Variants in PPFIBP1 observed in about 807,000 individuals in gnomAD.
The protein encoded by PPFIBP1 is liprin-beta-1.
Under a neutral mutation model 137.8 loss-of-function variants are expected in PPFIBP1, and 112 were observed. The observed-to-expected ratio is 0.81, with a 90% CI of 0.70 to 0.95. The LOEUF is 0.95. PPFIBP1 is among the 40% of genes least tolerant of loss of function. PPFIBP1 has a pLI of 0.00. For synonymous variants in PPFIBP1, 378 were observed against 417.3 expected, an observed-to-expected ratio of 0.91 and a Z score of 1.15; for missense variants, 1,083 against 1,196.6, an observed-to-expected ratio of 0.91 and a Z score of 1.40.
chr12:27,666,295 A>C (rs943072052), intron 12 of PPFIBP1, among the ~76,000 whole-genome samples: 1 of 151,984 alleles, frequency 6.6e-6, no homozygotes, highest in Non-Finnish European at 1.5e-5. Context: ...TCCAATAAAG[A>C]GTTGTATAAA....
intron 2 of PPFIBP1, among the ~76,000 whole-genome samples, chr12:27,629,782 T>G (rs2057132485): frequency 6.6e-6 from 1 of 152,170 alleles, no homozygotes; most frequent in African/African-American, 2.4e-5. Context: ...TCAACACAGA[T>G]GCCTGATAAA....
chr12:27,587,102 A>C (rs1388764191), intron 2 of PPFIBP1, among the ~76,000 whole-genome samples: 1 of 152,178 alleles, frequency 6.6e-6, no homozygotes, highest in Admixed American at 6.5e-5. Context: ...CTTTCAACTG[A>C]ACCAATTTGC....
chr12:27,645,438 A>AT lies in PPFIBP1; in HGVS notation c.271-615dup, dbSNP rs57495507. Among the ~76,000 whole-genome samples the AT allele has an allele frequency of 3.1e-4, 47 of 151,742 alleles. No homozygotes were observed. In the Middle Eastern group the frequency reaches 0.01, roughly 33 times the overall value. On this transcript the variant is annotated intron_variant, in intron 4 of 29. Coordinates refer to ENST00000228425, the MANE Select transcript of PPFIBP1 (RefSeq NM_003622.4). ...CCACGCATAAATATACTGAAACATGATTTTTTTTTAAAAAAGTGTGGGGGG... is the reference window on the plus strand; with the variant it reads ...CCACGCATAAATATACTGAAACATGATTTTTTTTTTAAAAAAGTGTGGGGGG...
rs1330353131 is a variant in PPFIBP1 at position 27,643,852 on chromosome 12, A to G, written c.271-2210A>G. ...TTATGTTCCTATAGTGACTTTTAAT[A>G]TACTAAACTACCCTTGAGCATTATG... On this transcript the variant is annotated intron_variant, in intron 4 of 29. Transcript: ENST00000228425. Among the ~76,000 whole-genome samples, 11 of 126,116 alleles carry G rather than the reference A, an allele frequency of 8.7e-5. No homozygotes were observed. In the East Asian group the frequency reaches 2.4e-3, roughly 27 times the overall value. 82.7% of individuals were successfully genotyped at this position (126,116 alleles called of 152,430 possible).
At chr12:27,674,082 C>A in intron 16 of PPFIBP1, 110 bp from the exon 17 acceptor site, 2 of 941,590 alleles carry the variant, frequency 2.1e-6, no homozygotes, top group Non-Finnish European at 3.2e-6. Context: ...GATTTTGTAG[C>A]TTAGAAGTAG....
At position 27,626,493 on chromosome 12, in the gene PPFIBP1, T is replaced by C. The variant is rs2056827310; in HGVS notation, c.-35-6869T>C. On this transcript the variant is annotated intron_variant, in intron 2 of 29. Transcript: ENST00000228425. ...GCGCCTCAGAGCCAGTGGGAGGGCT[T>C]GGAAAAACACCGATTGCTGGGCCTG... Among the ~76,000 whole-genome samples the C allele has an allele frequency of 2.0e-5, 3 of 152,062 alleles. No individual in the cohort carries two copies. The South Asian group carries it at 6.2e-4, about 32-fold the overall frequency.
At position 27,691,895 on chromosome 12, in the gene PPFIBP1, G is replaced by A. The variant is rs776218544; in HGVS notation, c.2832G>A (p.Leu944=). The A allele has an allele frequency of 1.2e-6, 2 of 1,612,946 alleles. No individual in the cohort carries two copies. The highest frequency in any genetic ancestry group is 1.1e-5 in the South Asian group (1 of 90,584). ...KGFKPGLDMR[L]YEEDDLDRLE... Reference sequence around the variant, plus strand: ...TTAAACCTGGTTTGGATATGCGCCTGTATGAGGAAGATGATTTGGACCGGT... The same window carrying A: ...TTAAACCTGGTTTGGATATGCGCCTATATGAGGAAGATGATTTGGACCGGT... The change falls in exon 28 of 30, where the codon CTG becomes CTA. Residue 944 remains leucine, a synonymous_variant. Transcript: ENST00000228425.
chr12:27,602,273 C>T (rs2054078951), intron 2 of PPFIBP1, among the ~76,000 whole-genome samples: 1 of 152,126 alleles, frequency 6.6e-6, no homozygotes, highest in Non-Finnish European at 1.5e-5. Context: ...CCCCTCCCTA[C>T]CCAGCTTTAT....
chr12:27,601,346 G>A (rs998040350), intron 2 of PPFIBP1, among the ~76,000 whole-genome samples: 2 of 152,100 alleles, frequency 1.3e-5, no homozygotes, highest in Non-Finnish European at 2.9e-5. Context: ...TTTTAGGGGC[G>A]GGGAGAGGAT....
chr12:27,638,456 A>G (rs2057848733), intron 4 of PPFIBP1, among the ~76,000 whole-genome samples: 1 of 152,042 alleles, frequency 6.6e-6, no homozygotes, highest in South Asian at 2.1e-4. Context: ...AAGTCTTTGA[A>G]GCTTATATGA....
intron 2 of PPFIBP1, among the ~76,000 whole-genome samples, chr12:27,630,930 G>A (rs2057218548): frequency 6.6e-6 from 1 of 152,004 alleles, no homozygotes; most frequent in Non-Finnish European, 1.5e-5. Context: ...TGTGTCCATT[G>A]TTCCTTCATT....
At chr12:27,595,841 C>G (rs993459799) in intron 2 of PPFIBP1, among the ~76,000 whole-genome samples, 14 of 138,972 alleles carry the variant, frequency 1.0e-4, no homozygotes, top group African/African-American at 3.7e-4. Context: ...GCAACAACAG[C>G]GACACTCTGA....
Position 27,692,587 on chromosome 12 carries a change from G to A in PPFIBP1, c.2866-4G>A. On this transcript the variant is annotated splice_polypyrimidine_tract_variant and splice_region_variant and intron_variant, in intron 28 of 29. Transcript: ENST00000228425. The stretch of plus-strand genomic sequence containing the variant: ...TATGTCATGTTATGGTTTGTTATTT[G>A]CAGATGGAAGATTCAGAAGGGACAG... The A allele has an allele frequency of 1.2e-6, 2 of 1,613,162 alleles. No homozygotes were observed. The highest frequency in any genetic ancestry group is 1.7e-5 in the Admixed American group (1 of 60,028).
At position 27,664,389 on chromosome 12, in the gene PPFIBP1, T is replaced by A; in HGVS notation, c.934T>A (p.Cys312Ser). 3 of 1,612,484 alleles carry A rather than the reference T, an allele frequency of 1.9e-6. No homozygotes were observed. Residue 312 changes from cysteine to serine, a missense_variant, in exon 12 of 30, where the codon TGC (cysteine) becomes AGC (serine). Coordinates refer to ENST00000228425, the MANE Select transcript of PPFIBP1 (RefSeq NM_003622.4). ...TCGGAAAATAGAAGATCTTCGACAGTGCCTGAACAGGTACAAGAAAATGCA... is the reference window on the plus strand; with the variant it reads ...TCGGAAAATAGAAGATCTTCGACAGAGCCTGAACAGGTACAAGAAAATGCA... ...KDRKIEDLRQ[C>S]LNRYKKMQDT...
chr12:27,526,245 T>A (rs1265172963), intron 1 of PPFIBP1, among the ~76,000 whole-genome samples: 1 of 152,246 alleles, frequency 6.6e-6, no homozygotes, highest in Non-Finnish European at 1.5e-5. Context: ...ATCTTTAGGA[T>A]GTTATCCTTA....
In PPFIBP1 at chr12:27,646,087, G is replaced by C. The variant is rs1289791638; in HGVS notation, c.296G>C (p.Gly99Ala). The C allele has an allele frequency of 1.2e-6, 2 of 1,610,976 alleles. No homozygotes were observed. The highest frequency in any genetic ancestry group is 1.7e-6 in the Non-Finnish European group (2 of 1,177,906). Reference protein sequence around the residue: ...QMTNGHLPGNGDVYQERLARL... With the variant: ...QMTNGHLPGNADVYQERLARL... ...ACAAATGGACACCTACCAGGGAACG[G>C]AGATGTGTATCAAGAAAGGCTGGCA... Residue 99 changes from glycine to alanine, a missense_variant, in exon 5 of 30, where the codon GGA (glycine) becomes GCA (alanine). Gly to Ala is a moderately conservative substitution (Grantham distance 60). Transcript: ENST00000228425.
chr12:27,640,471 G>A (rs962180645), intron 4 of PPFIBP1, among the ~76,000 whole-genome samples: 1 of 152,168 alleles, frequency 6.6e-6, no homozygotes, highest in African/African-American at 2.4e-5. Context: ...GATAGGAGCT[G>A]GGGCTTCGCT....
intron 1 of PPFIBP1, chr12:27,549,330 C>A (rs1223818230): frequency 1.3e-5 from 2 of 152,150 alleles, no homozygotes; most frequent in Non-Finnish European, 2.9e-5. Flanking sequence ...TGCACATCTT[C>A]CTCTGACTTC....
intron 2 of PPFIBP1, among the ~76,000 whole-genome samples, chr12:27,616,207 TA>T (rs2138354092): frequency 6.6e-6 from 1 of 152,132 alleles, no homozygotes; most frequent in East Asian, 1.9e-4. Context: ...TATTTTTCTT[TA>T]AAAATCTGGC....
Sources: gnomAD v4.1 joint callset for allele counts (sites outside exome capture counted in the v4.1 genomes callset) on GRCh38, gnomAD v4.1.1 for gene constraint, MANE v1.5 for transcripts, NCBI Gene and HGNC (gene_info 2026-07-23, HGNC 2026-07-21) for gene names.